SAXO1: variants seen among roughly 807,000 people sequenced by gnomAD.
SAXO1 encodes the protein 4930500O09Rik.
Under a neutral mutation model 17.5 loss-of-function variants are expected in SAXO1, and 21 were observed. The ratio of observed to expected loss-of-function variants is 1.20; its 90% confidence interval spans 0.85 to 1.72. The LOEUF (loss-of-function observed/expected upper bound fraction) is 1.72. SAXO1 is among the 40% of genes most tolerant of loss of function. The pLI, the probability that SAXO1 is intolerant of heterozygous loss-of-function variation, is 0.00. For synonymous variants in SAXO1, 274 were observed against 216.5 expected, an observed-to-expected ratio of 1.27 and a Z score of -2.33; for missense variants, 843 against 596.0, an observed-to-expected ratio of 1.41 and a Z score of -4.32.
intron 1 of SAXO1, among the ~76,000 whole-genome samples, chr9:18,959,592 G>A (rs1267194245): frequency 1.3e-5 from 2 of 152,076 alleles, no homozygotes; most frequent in South Asian, 2.1e-4. Flanking sequence ...CCAATATGGT[G>A]AAACCCCATC....
intron 1 of SAXO1, among the ~76,000 whole-genome samples, chr9:19,005,956 A>C (rs143840148): frequency 5.6e-4 from 85 of 152,268 alleles, no homozygotes; most frequent in Non-Finnish European, 9.3e-4. Context: ...AAACAAACAA[A>C]CAACCCACCT....
At chr9:18,969,104 A>C (rs1311631857) in intron 1 of SAXO1, among the ~76,000 whole-genome samples, 1 of 152,118 alleles carries the variant, frequency 6.6e-6, no homozygotes, top group Non-Finnish European at 1.5e-5. Context: ...CAAATCCCTA[A>C]GCAGTGGGGC....
chr9:19,024,422 T>A (rs1835384610), intron 1 of SAXO1, among the ~76,000 whole-genome samples: 1 of 147,146 alleles, frequency 6.8e-6, no homozygotes, highest in African/African-American at 2.5e-5. Context: ...AAGGGGAACA[T>A]CACACACCGG....
At position 19,027,288 on chromosome 9, in the gene SAXO1, G is replaced by T; in HGVS notation, c.38+5583C>A. 3.4e-6 allele frequency: 3 copies of T among 888,164 alleles called. No individual in the cohort carries two copies. The Admixed American group carries it at 5.1e-5, about 15-fold the overall frequency. 55.0% of individuals were successfully genotyped at this position (888,164 alleles called of 1,614,324 possible). On this transcript the variant is annotated intron_variant, in intron 1 of 3. Coordinates refer to ENST00000380534, the MANE Select transcript of SAXO1 (RefSeq NM_153707.4). ...GGATGTTGAAAAGCTAAAGCCAGGAGACCTGGTGGGTGTGAACAAAGACTC... is the reference window on the plus strand; with the variant it reads ...GGATGTTGAAAAGCTAAAGCCAGGATACCTGGTGGGTGTGAACAAAGACTC...
intron 1 of SAXO1, among the ~76,000 whole-genome samples, chr9:18,984,620 C>G (rs1013587468): frequency 6.6e-6 from 1 of 152,188 alleles, no homozygotes; most frequent in Non-Finnish European, 1.5e-5. Context: ...CTGCAGCTTC[C>G]TCACCTCTTT....
chr9:18,976,418 G>A (rs989963780), intron 1 of SAXO1, among the ~76,000 whole-genome samples: 1 of 152,234 alleles, frequency 6.6e-6, no homozygotes, highest in African/African-American at 2.4e-5. Context: ...GTGGGTCTGT[G>A]AGGGTAGCAG....
At chr9:18,980,270 A>T (rs1833319278) in intron 1 of SAXO1, among the ~76,000 whole-genome samples, 1 of 152,148 alleles carries the variant, frequency 6.6e-6, no homozygotes, top group African/African-American at 2.4e-5. Flanking sequence ...CCCAGACTCC[A>T]CAGTAGGAGT....
chr9:19,005,594 G>A (rs1834450857), intron 1 of SAXO1, among the ~76,000 whole-genome samples: 1 of 152,086 alleles, frequency 6.6e-6, no homozygotes. Flanking sequence ...GAATGAAGTG[G>A]GACCCTTACC....
intron 1 of SAXO1, among the ~76,000 whole-genome samples, chr9:18,995,962 C>T (rs564514204): frequency 2.0e-5 from 3 of 151,726 alleles, no homozygotes; most frequent in Non-Finnish European, 1.5e-5. Context: ...GCCTGTAATC[C>T]CAGCTATTCG....
intron 1 of SAXO1, among the ~76,000 whole-genome samples, chr9:19,048,470 A>G (rs1836274230): frequency 6.6e-6 from 1 of 151,994 alleles, no homozygotes. Context: ...AGAAAAAAAA[A>G]GGACTTTAAG....
At chr9:19,044,836 C>A (rs1836169216) in intron 1 of SAXO1, among the ~76,000 whole-genome samples, 1 of 151,358 alleles carries the variant, frequency 6.6e-6, no homozygotes, top group Non-Finnish European at 1.5e-5. Flanking sequence ...GCACTCCAGC[C>A]CGGGTGAGAG....
intron 1 of SAXO1, among the ~76,000 whole-genome samples, chr9:19,021,432 A>AT (rs1476902645): frequency 6.6e-6 from 1 of 152,116 alleles, no homozygotes; most frequent in African/African-American, 2.4e-5. Flanking sequence ...TCTGTGCCCC[A>AT]TGTCCCCTTT....
At position 18,950,911 on chromosome 9, in the gene SAXO1, G is replaced by A; in HGVS notation, c.65C>T (p.Thr22Ile). The change falls in exon 2 of 4, where the codon ACC becomes ATC. Residue 22 changes from threonine to isoleucine, a missense_variant. By Grantham distance (89) the Thr-to-Ile change is moderately conservative (BLOSUM62 -1). Transcript: ENST00000380534. ...CGRHHCPHLP[T>I]KIYDKTEKPC... Reference sequence around the variant, plus strand: ...TTTCTCTGTTTTATCATAAATCTTGGTAGGGAGATGTGGACAGTGATGCCG... The same window carrying A: ...TTTCTCTGTTTTATCATAAATCTTGATAGGGAGATGTGGACAGTGATGCCG... 1 of 1,612,918 alleles carries A rather than the reference G, an allele frequency of 6.2e-7. No homozygotes were observed. The highest frequency in any genetic ancestry group is 1.3e-5 in the African/African-American group (1 of 74,986).
chr9:19,028,694 AAAG>A (rs1366103792), intron 1 of SAXO1, among the ~76,000 whole-genome samples: 2 of 152,234 alleles, frequency 1.3e-5, no homozygotes, highest in Non-Finnish European at 1.5e-5. Context: ...ATCTTCAAGG[AAAG>A]AAGTAGAGCA....
At chr9:19,018,365 T>C (rs558362822) in intron 1 of SAXO1, among the ~76,000 whole-genome samples, 1 of 152,236 alleles carries the variant, frequency 6.6e-6, no homozygotes, top group Admixed American at 6.5e-5. Flanking sequence ...GTGTCAGAAT[T>C]TCAGGAACTG....
chr9:19,025,044 T>A (rs1835416024), intron 1 of SAXO1, among the ~76,000 whole-genome samples: 1 of 152,218 alleles, frequency 6.6e-6, no homozygotes, highest in African/African-American at 2.4e-5. Context: ...CCACTTGTAC[T>A]CATTTTATAA....
rs188936417 is a variant in SAXO1, at chr9:18,980,506, G to C, written c.39-29569C>G. Among the ~76,000 whole-genome samples the C allele has an allele frequency of 1.8e-3, 243 of 134,358 alleles. 1 individual carries two copies. Among genetic ancestry groups the C allele is most frequent in the Non-Finnish European group, 3.0e-3 (191 of 63,416 alleles). The allele number at this position is 134,358 out of a possible 152,430, so 88.1% of individuals were successfully genotyped here. ...GCCAAAAGGAGAATGTTTTGTCCCA[G>C]ATCTGAGCAGCAAGGTAGTGGCGGG... On this transcript the variant is annotated intron_variant, in intron 1 of 3. Transcript: ENST00000380534.
rs559373503 is a variant in SAXO1 at position 18,942,951 on chromosome 9, T to C, written c.219-1112A>G. Among the ~76,000 whole-genome samples the C allele has an allele frequency of 2.6e-5, 4 of 152,378 alleles. No homozygotes were observed. In the South Asian group the frequency reaches 8.3e-4, roughly 32 times the overall value. On this transcript the variant is annotated intron_variant, in intron 2 of 3. Coordinates refer to ENST00000380534, the MANE Select transcript of SAXO1 (RefSeq NM_153707.4). Reference sequence around the variant, plus strand: ...CTGATGGTGCTTGCCAGAACATCCCTGTCAAGGGAAGGGGAAGGTTTCCGG... The same window carrying C: ...CTGATGGTGCTTGCCAGAACATCCCCGTCAAGGGAAGGGGAAGGTTTCCGG...
intron 1 of SAXO1, among the ~76,000 whole-genome samples, chr9:19,014,738 T>C (rs1588533937): frequency 6.6e-6 from 1 of 152,036 alleles, no homozygotes; most frequent in South Asian, 2.1e-4. Context: ...TTGTCACAGG[T>C]ATTACCTACC....
Sources: gnomAD v4.1 joint callset for allele counts (sites outside exome capture counted in the v4.1 genomes callset) on GRCh38, gnomAD v4.1.1 for gene constraint, MANE v1.5 for transcripts, NCBI Gene and HGNC (gene_info 2026-07-23, HGNC 2026-07-21) for gene names.